The following PCDH15 variants were observed in gnomAD, a reference collection of about 807,000 sequenced individuals.
The protein encoded by PCDH15 is protocadherin-15.
A neutral mutation model predicts 178.5 loss-of-function variants in PCDH15; 129 were observed. That is an observed-to-expected ratio of 0.72 (90% CI 0.63 to 0.84). The LOEUF (loss-of-function observed/expected upper bound fraction) is 0.84, where lower values mean the gene tolerates loss of function less well. Among genes scored for constraint, PCDH15 ranks in the 40% least tolerant of loss-of-function variants. The pLI is 0.00. For synonymous variants in PCDH15, 800 were observed against 732.0 expected, an observed-to-expected ratio of 1.09 and a Z score of -1.50; for missense variants, 2,230 against 2,099.9, an observed-to-expected ratio of 1.06 and a Z score of -1.21.
intron 2 of PCDH15, among the ~76,000 whole-genome samples, chr10:55,060,586 A>G (rs1308245062): frequency 6.6e-6 from 1 of 152,018 alleles, no homozygotes; most frequent in African/African-American, 2.4e-5. Context: ...GATAATTCAT[A>G]TTTCTCTGAA....
chr10:54,296,144 CAAA>C (rs59721161), intron 8 of PCDH15, among the ~76,000 whole-genome samples: 180 of 48,208 alleles, frequency 3.7e-3, no homozygotes, highest in African/African-American at 0.013. Flanking sequence ...GACTCCGTCT[CAAA>C]AAAAAAAAAA....
chr10:54,947,749 C>T (rs546167915), intron 2 of PCDH15, among the ~76,000 whole-genome samples: 8 of 151,974 alleles, frequency 5.3e-5, no homozygotes, highest in Non-Finnish European at 8.8e-5. Flanking sequence ...ATTACTTATG[C>T]TAGGAACATG....
intron 2 of PCDH15, among the ~76,000 whole-genome samples, chr10:55,529,553 C>A (rs538137221): frequency 6.6e-6 from 1 of 151,548 alleles, no homozygotes; most frequent in South Asian, 2.1e-4. Context: ...AGTTTATTTA[C>A]AAATCCATGT....
intron 16 of PCDH15, among the ~76,000 whole-genome samples, chr10:54,088,260 C>CA (rs1383926653): frequency 6.6e-6 from 1 of 152,122 alleles, no homozygotes; most frequent in Non-Finnish European, 1.5e-5. Flanking sequence ...TGTATGAAGT[C>CA]AAATCTCTTT....
intron 21 of PCDH15, among the ~76,000 whole-genome samples, chr10:53,963,469 C>T (rs2088591429): frequency 6.6e-6 from 1 of 152,124 alleles, no homozygotes; most frequent in African/African-American, 2.4e-5. Context: ...ACATTTTCTA[C>T]TTCTACTCTC....
At chr10:55,091,050 T>C (rs372815724) in intron 2 of PCDH15, among the ~76,000 whole-genome samples, 28 of 152,056 alleles carry the variant, frequency 1.8e-4, no homozygotes, top group African/African-American at 6.0e-4. Flanking sequence ...TACTATTGTT[T>C]CATAATTTTC....
rs534901790 is a variant in PCDH15 at position 54,507,809 on chromosome 10, A to AT, written c.157+20002_157+20003insA. 1.3e-3 allele frequency among the ~76,000 whole-genome samples: 197 copies of AT among 152,108 alleles called. 1 individual carries two copies. Among genetic ancestry groups the AT allele is most frequent in the African/African-American group, 4.5e-3 (185 of 41,546 alleles). ...CTTTAACAGCACTAATTTGGCAATA[A>AT]CTTATTTCAAAAGCTGCTTCCTTTC... On this transcript the variant is annotated intron_variant, in intron 3 of 37. Transcript: ENST00000644397.
intron 15 of PCDH15, among the ~76,000 whole-genome samples, chr10:54,099,995 A>G (rs1377914089): frequency 6.6e-6 from 1 of 152,190 alleles, no homozygotes; most frequent in Non-Finnish European, 1.5e-5. Flanking sequence ...TACTTCAAGC[A>G]TCTACTTTAT....
intron 1 of PCDH15, among the ~76,000 whole-genome samples, chr10:54,750,090 CTCTG>C (rs975141725): frequency 6.6e-6 from 1 of 151,848 alleles, no homozygotes; most frequent in Non-Finnish European, 1.5e-5. Context: ...AGCGCCCTTG[CTCTG>C]TCTCTCTTTC....
At chr10:54,514,417 A>C (rs2082006393) in intron 3 of PCDH15, among the ~76,000 whole-genome samples, 1 of 152,130 alleles carries the variant, frequency 6.6e-6, no homozygotes, top group African/African-American at 2.4e-5. Context: ...ATTATGTGAA[A>C]GGATAATAAT....
rs1482395629 is a variant in PCDH15 at position 54,195,688 on chromosome 10, C to G, written c.1300G>C (p.Glu434Gln). ...AAAATATGTATTTAACTTACATCTT[C>G]TATGTCCTTGTCCAGAGCTACTATT... The part of the protein sequence containing the change: ...LRIVALDKDI[E>Q]DTKDPELHLF... Residue 434 changes from glutamate to glutamine, a missense_variant, in exon 11 of 38, where the codon GAA becomes CAA. Coordinates refer to ENST00000644397, the MANE Select transcript of PCDH15 (RefSeq NM_001384140.1). 6.2e-7 allele frequency: 1 copy of G among 1,612,424 alleles called. No individual in the cohort carries two copies. Among genetic ancestry groups the G allele is most frequent in the Non-Finnish European group, 8.5e-7 (1 of 1,178,710 alleles).
chr10:55,592,293 A>G (rs536068925), intron 2 of PCDH15, among the ~76,000 whole-genome samples: 2 of 152,276 alleles, frequency 1.3e-5, no homozygotes, highest in South Asian at 4.1e-4. Flanking sequence ...GCCAATAAAA[A>G]GCAGGAGCAA....
At chr10:54,224,351 TA>T (rs1301911725) in intron 9 of PCDH15, among the ~76,000 whole-genome samples, 9 of 152,134 alleles carry the variant, frequency 5.9e-5, no homozygotes, top group Admixed American at 5.9e-4. Context: ...GAAGCCAAGG[TA>T]TTGAAATGTA....
At chr10:54,848,225 A>G (rs1011854288) in intron 3 of PCDH15, among the ~76,000 whole-genome samples, 1 of 152,030 alleles carries the variant, frequency 6.6e-6, no homozygotes, top group African/African-American at 2.4e-5. Context: ...TCTACCAAAA[A>G]TAGAAAAATT....
intron 3 of PCDH15, among the ~76,000 whole-genome samples, chr10:54,421,947 A>T: frequency 8.9e-6 from 1 of 112,602 alleles, no homozygotes; most frequent in East Asian, 2.0e-4. Context: ...ATATATATAA[A>T]AATATATATA....
intron 13 of PCDH15, among the ~76,000 whole-genome samples, chr10:54,176,443 C>A (rs141620137): frequency 1.3e-5 from 2 of 152,192 alleles, no homozygotes; most frequent in African/African-American, 4.8e-5. Flanking sequence ...TTTAAAGATA[C>A]AACTTGGATC....
chr10:54,244,842 T>C (rs1478826030), intron 8 of PCDH15, among the ~76,000 whole-genome samples: 6 of 152,156 alleles, frequency 3.9e-5, no homozygotes, highest in Non-Finnish European at 4.4e-5. Context: ...AAGGAAGAAA[T>C]TGAGCAGACA....
chr10:55,438,174 AC>A (rs1264280617), intron 2 of PCDH15, among the ~76,000 whole-genome samples: 1 of 143,690 alleles, frequency 7.0e-6, no homozygotes, highest in Non-Finnish European at 1.5e-5. Flanking sequence ...TAAGAAAAAA[AC>A]AAAACAAAAC....
At chr10:54,167,649 AG>A (rs2046364949) in intron 13 of PCDH15, among the ~76,000 whole-genome samples, 1 of 151,646 alleles carries the variant, frequency 6.6e-6, no homozygotes. Context: ...TTTCTGGGAG[AG>A]GGGCAAGTAC....
Sources: gnomAD v4.1 joint callset for allele counts (sites outside exome capture counted in the v4.1 genomes callset) on GRCh38, gnomAD v4.1.1 for gene constraint, MANE v1.5 for transcripts, NCBI Gene and HGNC (gene_info 2026-07-23, HGNC 2026-07-21) for gene names.